ADARB2: variants seen among roughly 807,000 people sequenced by gnomAD.
The protein encoded by ADARB2 is inactive double-stranded RNA-specific editase B2.
A neutral mutation model predicts 62.2 loss-of-function variants in ADARB2; 25 were observed. That is an observed-to-expected ratio of 0.40 (90% confidence interval 0.29 to 0.56). The LOEUF (loss-of-function observed/expected upper bound fraction) is 0.56. Among genes scored for constraint, ADARB2 ranks in the 20% least tolerant of loss-of-function variants. ADARB2 has a pLI of 0.43. For synonymous variants in ADARB2, 572 were observed against 500.8 expected (o/e 1.14, Z -1.90); for missense variants, 1,071 against 1,077.4 (o/e 0.99, Z 0.08).
intron 1 of ADARB2, among the ~76,000 whole-genome samples, chr10:1,557,885 G>A (rs1055730096): frequency 3.9e-5 from 6 of 152,166 alleles, no homozygotes; most frequent in African/African-American, 9.6e-5. Flanking sequence ...CTGAGGTTGC[G>A]CCACTGCACT....
chr10:1,711,611 T>C lies in ADARB2; in HGVS notation c.100+25440A>G, dbSNP rs540178437. ...GAGACCTTTAGAGCTGATTTCCAGC[T>C]GTGTGATCTGAGGCAATTCCTCATT... is the stretch of plus-strand genomic sequence containing the variant. On this transcript the variant is annotated intron_variant, in intron 1 of 9. Transcript: ENST00000381312. 5.9e-5 allele frequency among the ~76,000 whole-genome samples: 9 copies of C among 152,366 alleles called. No individual in the cohort carries two copies. In the South Asian group the frequency reaches 1.9e-3, roughly 32 times the overall value.
At chr10:1,515,454 G>A (rs4880514) in intron 1 of ADARB2, among the ~76,000 whole-genome samples, 3,118 of 152,358 alleles carry the variant, frequency 0.02, 120 homozygotes, top group East Asian at 0.13. Flanking sequence ...CTTTCTGGGT[G>A]ATGAGGGGGA....
intron 1 of ADARB2, among the ~76,000 whole-genome samples, chr10:1,443,118 C>A (rs1224330184): frequency 1.3e-5 from 2 of 152,166 alleles, no homozygotes; most frequent in African/African-American, 4.8e-5. Context: ...ACGGAAACTT[C>A]TAGGATGACA....
chr10:1,668,209 C>A (rs534527147), intron 1 of ADARB2, among the ~76,000 whole-genome samples: 14 of 152,346 alleles, frequency 9.2e-5, no homozygotes, highest in Admixed American at 3.3e-4. Context: ...GTCTCTCTCT[C>A]CGGTTGCAAT....
intron 1 of ADARB2, among the ~76,000 whole-genome samples, chr10:1,491,689 C>T (rs1831624179): frequency 6.6e-6 from 1 of 152,200 alleles, no homozygotes; most frequent in South Asian, 2.1e-4. Context: ...CTGCCATAAC[C>T]TACCTTTCTT....
chr10:1,638,889 T>C (rs1833946049), intron 1 of ADARB2, among the ~76,000 whole-genome samples: 1 of 152,200 alleles, frequency 6.6e-6, no homozygotes, highest in Admixed American at 6.5e-5. Context: ...CCGTGCTCCC[T>C]CCATGCAGGT....
chr10:1,318,952 C>A (rs1831770620), intron 3 of ADARB2, among the ~76,000 whole-genome samples: 1 of 152,156 alleles, frequency 6.6e-6, no homozygotes, highest in Non-Finnish European at 1.5e-5. Flanking sequence ...ATGAATGTGG[C>A]CAGCGGCCTT....
intron 1 of ADARB2, among the ~76,000 whole-genome samples, chr10:1,669,023 G>A (rs1466884973): frequency 6.6e-6 from 1 of 152,208 alleles, no homozygotes; most frequent in Non-Finnish European, 1.5e-5. Flanking sequence ...TTGGCCCCTG[G>A]GGCTGGCCTG....
intron 3 of ADARB2, among the ~76,000 whole-genome samples, chr10:1,278,614 T>TA (rs1326284932): frequency 6.6e-6 from 1 of 151,260 alleles, no homozygotes; most frequent in Non-Finnish European, 1.5e-5. Flanking sequence ...TTTTTTTTTT[T>TA]ATGGCATAGC....
Position 1,242,165 on chromosome 10 carries a change from G to A in ADARB2, c.1327C>T (p.His443Tyr), listed in dbSNP as rs142949222. Residue 443 changes from histidine (H) to tyrosine (Y), a missense_variant, in exon 5 of 10, where the codon CAC becomes TAC. By Grantham distance (83) the His-to-Tyr change is moderately conservative. Transcript: ENST00000381312. ...AGCTCCAGCTGCGTGTAGAGGAAGT[G>A]CAGGAACGCCCGCCGGGCCACGACC... ...AEVVARRAFL[H>Y]FLYTQLELHL... 3 of 1,610,264 alleles carry A rather than the reference G, an allele frequency of 1.9e-6. No individual in the cohort carries two copies. Among genetic ancestry groups the A allele is most frequent in the Non-Finnish European group, 2.5e-6 (3 of 1,179,640 alleles).
Position 1,363,268 on chromosome 10 carries a change from G to T in ADARB2, c.837C>A (p.Pro279=). The change falls in exon 3 of 10, where the codon CCC becomes CCA. Residue 279 remains proline, a synonymous_variant. Transcript: ENST00000381312. ...ATPAAPGERN[P]VVLLNRLRAG... is the part of the protein sequence containing the mutation. ...CGCGCAGGCGGTTCAGCAGCACCAC[G>T]GGGTTGCGCTCGCCCGGGGCCGCGG... 4 of 1,270,052 alleles carry T rather than the reference G, an allele frequency of 3.1e-6. No individual in the cohort carries two copies. The highest frequency in any genetic ancestry group is 4.0e-6 in the Non-Finnish European group (4 of 1,006,686). The allele number at this position is 1,270,052 out of a possible 1,614,324, so 78.7% of individuals were successfully genotyped here. A position where few individuals can be genotyped will look rare whatever the true frequency, so the allele number is the denominator to read the frequency against.
chr10:1,518,991 C>T (rs542043699), intron 1 of ADARB2, among the ~76,000 whole-genome samples: 167 of 152,150 alleles, frequency 1.1e-3, no homozygotes, highest in African/African-American at 3.7e-3. Context: ...TGGTCATATG[C>T]CTGCATTCCA....
intron 1 of ADARB2, among the ~76,000 whole-genome samples, chr10:1,518,196 C>T (rs189297411): frequency 3.9e-5 from 6 of 152,160 alleles, no homozygotes; most frequent in South Asian, 2.1e-4. Context: ...CTGTGTTGGC[C>T]GCATGAGCTT....
intron 4 of ADARB2, among the ~76,000 whole-genome samples, chr10:1,257,836 A>T (rs1396737108): frequency 3.3e-5 from 5 of 152,214 alleles, no homozygotes; most frequent in Non-Finnish European, 5.9e-5. Flanking sequence ...GCAGATGGAC[A>T]CATCTTGAAA....
Position 1,676,993 on chromosome 10 carries a change from C to A in ADARB2, c.100+60058G>T, listed in dbSNP as rs142387964. Among the ~76,000 whole-genome samples, 364 of 152,314 alleles carry A rather than the reference C, an allele frequency of 2.4e-3. 2 individuals carry two copies. Among genetic ancestry groups the A allele is most frequent in the African/African-American group, 8.6e-3 (356 of 41,574 alleles). On this transcript the variant is annotated intron_variant, in intron 1 of 9. Coordinates refer to ENST00000381312, the MANE Select transcript of ADARB2 (RefSeq NM_018702.4). ...TCTATCTGGGGAGGAGCCCCCCTGA[C>A]CTGCCTGTTCTGGAAAACAAGGACC...
intron 1 of ADARB2, among the ~76,000 whole-genome samples, chr10:1,721,416 A>G (rs926141124): frequency 2.0e-5 from 3 of 152,144 alleles, no homozygotes; most frequent in African/African-American, 7.2e-5. Context: ...TGTTTTCTAT[A>G]TTTTCCCAAG....
intron 1 of ADARB2, among the ~76,000 whole-genome samples, chr10:1,501,143 G>A (rs1257052919): frequency 6.6e-6 from 1 of 152,206 alleles, no homozygotes; most frequent in Non-Finnish European, 1.5e-5. Flanking sequence ...AAAGTGCTGG[G>A]ATTATAGGCG....
chr10:1,400,735 G>T (rs745721703), intron 1 of ADARB2, among the ~76,000 whole-genome samples: 19 of 151,870 alleles, frequency 1.3e-4, no homozygotes, highest in Admixed American at 2.6e-4. Flanking sequence ...TCCCCACCTG[G>T]TCACTGAGAG....
chr10:1,369,864 C>T, intron 2 of ADARB2, among the ~76,000 whole-genome samples: 1 of 152,186 alleles, frequency 6.6e-6, no homozygotes, highest in South Asian at 2.1e-4. Flanking sequence ...AAGCTGTCTC[C>T]AAAGCTCGAG....
Sources: allele counts gnomAD v4.1 joint callset (sites outside exome capture counted in the v4.1 genomes callset), GRCh38; gene constraint gnomAD v4.1.1; transcripts MANE v1.5; gene names NCBI Gene and HGNC (gene_info 2026-07-23, HGNC 2026-07-21).